FYTTD1: variants seen among roughly 807,000 people sequenced by gnomAD.
FYTTD1 encodes UAP56-interacting factor.
FYTTD1 carries 22 observed loss-of-function variants against 40.9 expected under a neutral mutation model. The observed-to-expected ratio is 0.54, with a 90% confidence interval of 0.38 to 0.77. The LOEUF is 0.77. Ranked by LOEUF, FYTTD1 falls within the 30% of genes least tolerant of loss-of-function variation. The pLI is 0.00. For synonymous variants in FYTTD1, 140 were observed against 137.9 expected (o/e 1.01, Z -0.10); for missense variants, 351 against 392.2 (o/e 0.90, Z 0.89).
intron 2 of FYTTD1, among the ~76,000 whole-genome samples, chr3:197,757,911 A>T (rs1269237290): frequency 6.6e-6 from 1 of 151,946 alleles, no homozygotes; most frequent in Non-Finnish European, 1.5e-5. Context: ...TTATATTTAA[A>T]TTTTTTTTTG....
chr3:197,780,365 A>G (rs1729996928), intron 8 of FYTTD1, among the ~76,000 whole-genome samples: 1 of 152,066 alleles, frequency 6.6e-6, no homozygotes, highest in African/African-American at 2.4e-5. Flanking sequence ...CAATCATTTC[A>G]TTCTCCTAAT....
chr3:197,776,161 A>G (rs1238672074), intron 6 of FYTTD1, among the ~76,000 whole-genome samples: 1 of 152,062 alleles, frequency 6.6e-6, no homozygotes, highest in African/African-American at 2.4e-5. Flanking sequence ...GGGTAAGGAA[A>G]CTGGAGGATA....
At chr3:197,772,112 A>C (rs1440312289) in intron 4 of FYTTD1, among the ~76,000 whole-genome samples, 1 of 152,224 alleles carries the variant, frequency 6.6e-6, no homozygotes, top group Non-Finnish European at 1.5e-5. Flanking sequence ...AAATAAAAAA[A>C]CAAAAAATGG....
chr3:197,781,415 T>TA lies in FYTTD1; in HGVS notation c.859-385dup, dbSNP rs745465857. 8.6e-3 allele frequency among the ~76,000 whole-genome samples: 1,263 copies of TA among 146,136 alleles called. 13 individuals carry two copies. Among genetic ancestry groups the TA allele is most frequent in the African/African-American group, 0.026 (1,034 of 40,194 alleles). ...TATAGTTTGTAGATGCTGTTGTTAA[T>TA]AAAAAAAAAAACAGATTTTCATTTG... On this transcript the variant is annotated intron_variant, in intron 8 of 8. Transcript: ENST00000241502.
chr3:197,772,649 G>A (rs1243470530), intron 4 of FYTTD1, among the ~76,000 whole-genome samples: 13 of 152,222 alleles, frequency 8.5e-5, no homozygotes, highest in South Asian at 8.3e-4. Context: ...AGTCTGTGTC[G>A]CTGGGCTGGA....
chr3:197,749,959 G>A lies in FYTTD1; in HGVS notation c.-13G>A. 2 of 1,551,984 alleles carry A rather than the reference G, an allele frequency of 1.3e-6. No individual in the cohort carries two copies. The highest frequency in any genetic ancestry group is 1.7e-6 in the Non-Finnish European group (2 of 1,147,132). ...CCTTGTCCGCGCCCGCTCTCGGCGCGACGTCTCCAGCCATGAACCGGTTTG... is the reference window on the plus strand; with the variant it reads ...CCTTGTCCGCGCCCGCTCTCGGCGCAACGTCTCCAGCCATGAACCGGTTTG... On this transcript the variant is annotated 5_prime_UTR_variant, in exon 1 of 9. Transcript: ENST00000241502.
At chr3:197,772,509 C>A (rs562921505) in intron 4 of FYTTD1, among the ~76,000 whole-genome samples, 2 of 152,112 alleles carry the variant, frequency 1.3e-5, no homozygotes, top group East Asian at 1.9e-4. Flanking sequence ...ACGTTCAGCA[C>A]GTGTCTCAGA....
chr3:197,764,489 T>A (rs1008987375), intron 2 of FYTTD1, among the ~76,000 whole-genome samples: 2 of 151,912 alleles, frequency 1.3e-5, no homozygotes, highest in Middle Eastern at 3.4e-3. Flanking sequence ...GTGGGCAGAT[T>A]ACGAGGTCAG....
At position 197,776,910 on chromosome 3, in the gene FYTTD1, A is replaced by AT. The variant is rs751684426; in HGVS notation, c.657-9dup. On this transcript the variant is annotated splice_polypyrimidine_tract_variant and intron_variant, in intron 6 of 8. Transcript: ENST00000241502. Reference sequence around the variant, plus strand: ...AACTTACATTTAATGAATTTTTTTTATTTTTTTTGAAACTAGATGGCGGAC... The same window carrying AT: ...AACTTACATTTAATGAATTTTTTTTATTTTTTTTTGAAACTAGATGGCGGAC... 3.0e-5 allele frequency: 46 copies of AT among 1,549,894 alleles called. No homozygotes were observed. The highest frequency in any genetic ancestry group is 1.7e-4 in the Middle Eastern group (1 of 5,920).
In FYTTD1 at chr3:197,750,549, A is replaced by T. The variant is rs1728986524; in HGVS notation, c.103+475A>T. ...GCCCGGCCGGGGCTGCGGTCGGTTA[A>T]ACCAGCGCTTCCGGAGCTTTCCCTG... On this transcript the variant is annotated intron_variant, in intron 1 of 8. Transcript: ENST00000241502. The T allele has an allele frequency of 1.8e-5, 18 of 985,152 alleles. No individual in the cohort carries two copies. In the South Asian group the frequency reaches 7.0e-4, roughly 39 times the overall value. 61.0% of individuals were successfully genotyped at this position (985,152 alleles called of 1,614,324 possible).
At chr3:197,751,523 T>C (rs998083028) in intron 1 of FYTTD1, among the ~76,000 whole-genome samples, 3 of 152,052 alleles carry the variant, frequency 2.0e-5, no homozygotes, top group Admixed American at 2.0e-4. Context: ...GCCGCGCGCC[T>C]GTAATCCCAG....
At chr3:197,778,130 T>C (rs1213104999) in intron 7 of FYTTD1, among the ~76,000 whole-genome samples, 1 of 152,260 alleles carries the variant, frequency 6.6e-6, no homozygotes, top group Non-Finnish European at 1.5e-5. Flanking sequence ...TCCAACTTGT[T>C]GAAAAGTTTG....
intron 4 of FYTTD1, among the ~76,000 whole-genome samples, chr3:197,771,381 GGCACAGTGGCTCATGCCTGTATTCCCA>G (rs1729710734): frequency 6.6e-6 from 1 of 152,168 alleles, no homozygotes; most frequent in South Asian, 2.1e-4. Flanking sequence ...GCAGTGGCTG[GGCACAGTGGCTCATGCCTGTATTCCCA>G]GCACTTTGGG....
chr3:197,762,836 C>T (rs896484273), intron 2 of FYTTD1, among the ~76,000 whole-genome samples: 2 of 151,824 alleles, frequency 1.3e-5, no homozygotes, highest in Admixed American at 1.3e-4. Context: ...GAGCCGAGAT[C>T]GCGGCCACTG....
chr3:197,750,274 CG>C (rs1226539661), intron 1 of FYTTD1, 200 bp downstream of exon 1: 15 of 954,082 alleles, frequency 1.6e-5, no homozygotes, highest in Non-Finnish European at 5.5e-6. Flanking sequence ...GCGAGGGACC[CG>C]GGCGTCCCCT....
At position 197,782,054 on chromosome 3, in the gene FYTTD1, T is replaced by TAA. The variant is rs1287058732; in HGVS notation, c.*155_*156dup. The TAA allele has an allele frequency of 1.9e-4, 66 of 340,716 alleles. No individual in the cohort carries two copies. Among genetic ancestry groups the TAA allele is most frequent in the Admixed American group, 2.4e-4 (5 of 20,792 alleles). 21.1% of individuals were successfully genotyped at this position (340,716 alleles called of 1,614,324 possible). Reference sequence around the variant, plus strand: ...TTTTATTTTTGAAGGTTTTTTTTTTTAAAAAAAAAAACGTATAAAATAATG... The same window carrying TAA: ...TTTTATTTTTGAAGGTTTTTTTTTTTAAAAAAAAAAAAACGTATAAAATAATG... On this transcript the variant is annotated 3_prime_UTR_variant, in exon 9 of 9. Coordinates refer to ENST00000241502, the MANE Select transcript of FYTTD1 (RefSeq NM_032288.7).
At chr3:197,760,949 A>C (rs1423291006) in intron 2 of FYTTD1, among the ~76,000 whole-genome samples, 1 of 145,294 alleles carries the variant, frequency 6.9e-6, no homozygotes, top group Non-Finnish European at 1.5e-5. Flanking sequence ...GAATGTATAG[A>C]GTGTTCTTCA....
chr3:197,768,359 C>T (rs1336091365), intron 2 of FYTTD1, 80 bp from the exon 3 acceptor site: 13 of 1,008,952 alleles, frequency 1.3e-5, no homozygotes, highest in Non-Finnish European at 1.9e-5. Flanking sequence ...GTTCCCCCTT[C>T]CTTGGGAAAT....
At chr3:197,771,859 C>T (rs180862993) in intron 4 of FYTTD1, among the ~76,000 whole-genome samples, 11 of 151,582 alleles carry the variant, frequency 7.3e-5, no homozygotes, top group African/African-American at 1.5e-4. Flanking sequence ...TTTGGGAGGC[C>T]GCTGCGTGTG....
Sources: gnomAD v4.1 joint callset for allele counts (sites outside exome capture counted in the v4.1 genomes callset) on GRCh38, gnomAD v4.1.1 for gene constraint, MANE v1.5 for transcripts, NCBI Gene and HGNC (gene_info 2026-07-23, HGNC 2026-07-21) for gene names.